LRP1B: variants seen among roughly 807,000 people sequenced by gnomAD.
The protein encoded by LRP1B is low-density lipoprotein receptor-related protein 1B.
LRP1B carries 217 observed loss-of-function variants against 556.6 expected under a neutral mutation model. That is an observed-to-expected ratio of 0.39 (90% CI 0.35 to 0.44). LRP1B has a LOEUF of 0.44. Among genes scored for constraint, LRP1B ranks in the 20% least tolerant of loss-of-function variants. LRP1B has a pLI of 1.00. For synonymous variants in LRP1B, 2,047 were observed against 1,865.8 expected, an observed-to-expected ratio of 1.10 and a Z score of -2.50; for missense variants, 5,053 against 5,620.8, an observed-to-expected ratio of 0.90 and a Z score of 3.23.
intron 66 of LRP1B, among the ~76,000 whole-genome samples, chr2:140,389,224 T>G (rs1335426000): frequency 6.6e-6 from 1 of 152,054 alleles, no homozygotes; most frequent in East Asian, 1.9e-4. Context: ...TGAGAGACCT[T>G]TAAATAGGAG....
intron 19 of LRP1B, 135 bp downstream of exon 19, chr2:140,951,725 G>T: frequency 1.6e-6 from 1 of 629,242 alleles, no homozygotes; most frequent in Non-Finnish European, 2.9e-6. Flanking sequence ...CTAGCTGCCC[G>T]CTCACCACTT....
At chr2:141,156,018 T>C (rs1702056468) in intron 7 of LRP1B, among the ~76,000 whole-genome samples, 2 of 152,108 alleles carry the variant, frequency 1.3e-5, no homozygotes, top group Non-Finnish European at 2.9e-5. Context: ...CCATCAGACA[T>C]TCAAACACTC....
chr2:141,631,774 T>C (rs913637933), intron 2 of LRP1B, among the ~76,000 whole-genome samples: 1 of 152,208 alleles, frequency 6.6e-6, no homozygotes, highest in Non-Finnish European at 1.5e-5. Flanking sequence ...ACATCTTTGA[T>C]GGGATGCTGC....
chr2:142,078,266 A>G (rs1419255031), intron 1 of LRP1B, among the ~76,000 whole-genome samples: 1 of 152,132 alleles, frequency 6.6e-6, no homozygotes, highest in Non-Finnish European at 1.5e-5. Flanking sequence ...CCATCATTTC[A>G]TGGTTAGACA....
chr2:141,638,582 G>C (rs929449838), intron 2 of LRP1B, among the ~76,000 whole-genome samples: 4 of 117,824 alleles, frequency 3.4e-5, no homozygotes, highest in Non-Finnish European at 6.0e-5. Context: ...AAACACACTG[G>C]AGGCCGAGAC....
At chr2:140,833,048 T>C (rs1691771468) in intron 31 of LRP1B, among the ~76,000 whole-genome samples, 1 of 152,102 alleles carries the variant, frequency 6.6e-6, no homozygotes, top group African/African-American at 2.4e-5. Flanking sequence ...CCAATATAAG[T>C]GAGGGTATGT....
chr2:140,776,254 A>G lies in LRP1B; in HGVS notation c.5360-16T>C. On this transcript the variant is annotated splice_polypyrimidine_tract_variant and intron_variant, in intron 32 of 90. Transcript: ENST00000389484. ...AGTTTCTTATCTAGAAAAAGGAAAG[A>G]TATTTTTTAAAGGAAAGTATAATTA... The G allele has an allele frequency of 6.5e-7, 1 of 1,547,982 alleles. No homozygotes were observed. The highest frequency in any genetic ancestry group is 1.9e-5 in the Admixed American group (1 of 51,574).
chr2:141,512,850 T>C (rs7562751), intron 2 of LRP1B, among the ~76,000 whole-genome samples: 41,261 of 151,926 alleles, frequency 0.27, 6,026 homozygotes, highest in East Asian at 0.49. Flanking sequence ...ATATGGATTT[T>C]AACATTCAAA....
intron 31 of LRP1B, among the ~76,000 whole-genome samples, chr2:140,816,325 C>CCA (rs1331244893): frequency 7.2e-5 from 11 of 151,902 alleles, no homozygotes; most frequent in Non-Finnish European, 1.5e-4. Context: ...ACCATGTTGG[C>CCA]CAGGATGGTC....
intron 2 of LRP1B, among the ~76,000 whole-genome samples, chr2:141,750,673 A>T (rs1444040483): frequency 2.0e-5 from 3 of 152,164 alleles, no homozygotes; most frequent in African/African-American, 7.2e-5. Flanking sequence ...TCAGATAAAC[A>T]TGATTATATT....
At chr2:141,478,389 T>G (rs1682790772) in intron 3 of LRP1B, among the ~76,000 whole-genome samples, 1 of 152,160 alleles carries the variant, frequency 6.6e-6, no homozygotes, top group Non-Finnish European at 1.5e-5. Context: ...AAAAACAATA[T>G]AACAAAAAGC....
chr2:141,028,958 G>A (rs992132998), intron 11 of LRP1B, among the ~76,000 whole-genome samples: 1 of 152,078 alleles, frequency 6.6e-6, no homozygotes, highest in East Asian at 1.9e-4. Flanking sequence ...AGCTGGGTTG[G>A]GTGTGGTGGC....
At position 141,169,800 on chromosome 2, in the gene LRP1B, CAA is replaced by C. The variant is rs574461113; in HGVS notation, c.1013+18619_1013+18620del. On this transcript the variant is annotated intron_variant, in intron 7 of 90. Coordinates refer to ENST00000389484, the MANE Select transcript of LRP1B (RefSeq NM_018557.3). ...TCCAGTGCACCTCCCACACCTTAAC[CAA>C]AAAAAAAAAAAAAAAAAAAGAATAG... Among the ~76,000 whole-genome samples the C allele has an allele frequency of 9.2e-3, 805 of 87,364 alleles. 6 individuals are homozygous for C. Among genetic ancestry groups the C allele is most frequent in the Non-Finnish European group, 0.011 (465 of 41,634 alleles). The allele number at this position is 87,364 out of a possible 152,430, so 57.3% of individuals were successfully genotyped here.
At chr2:140,599,943 C>A (rs1019605427) in intron 42 of LRP1B, among the ~76,000 whole-genome samples, 4 of 152,072 alleles carry the variant, frequency 2.6e-5, no homozygotes, top group African/African-American at 9.7e-5. Context: ...AATCTATTAA[C>A]ATACAATGGT....
At chr2:142,094,755 A>G (rs1280747513) in intron 1 of LRP1B, among the ~76,000 whole-genome samples, 1 of 151,682 alleles carries the variant, frequency 6.6e-6, no homozygotes, top group African/African-American at 2.4e-5. Flanking sequence ...ATTAAATATA[A>G]CTAAATATAA....
intron 1 of LRP1B, among the ~76,000 whole-genome samples, chr2:142,107,407 T>G (rs1304340509): frequency 1.3e-5 from 2 of 152,120 alleles, no homozygotes; most frequent in Admixed American, 1.3e-4. Flanking sequence ...TCCCCTTCTG[T>G]CCTTTTTCTT....
At chr2:142,070,783 A>G (rs1274799228) in intron 1 of LRP1B, among the ~76,000 whole-genome samples, 2 of 151,940 alleles carry the variant, frequency 1.3e-5, no homozygotes, top group Non-Finnish European at 1.5e-5. Context: ...TAGAATTCAC[A>G]CAGGACATCA....
intron 66 of LRP1B, among the ~76,000 whole-genome samples, chr2:140,415,166 G>A (rs1962476): frequency 2.6e-5 from 4 of 151,814 alleles, no homozygotes; most frequent in African/African-American, 9.7e-5. Context: ...TGCTCGTGAA[G>A]GCTGTTTTCT....
intron 60 of LRP1B, among the ~76,000 whole-genome samples, chr2:140,474,339 A>G (rs1446437823): frequency 6.6e-6 from 1 of 151,830 alleles, no homozygotes; most frequent in African/African-American, 2.4e-5. Flanking sequence ...TCCCTCCTCC[A>G]GGGTTTTTGT....
Sources: allele counts gnomAD v4.1 joint callset (sites outside exome capture counted in the v4.1 genomes callset), GRCh38; gene constraint gnomAD v4.1.1; transcripts MANE v1.5; gene names NCBI Gene and HGNC (gene_info 2026-07-23, HGNC 2026-07-21).